Variants in RHOU observed in about 807,000 individuals in gnomAD.
The protein encoded by RHOU is rho-related GTP-binding protein RhoU.
Under a neutral mutation model 12.6 loss-of-function variants are expected in RHOU, and 8 were observed. That is an observed-to-expected ratio of 0.64 (90% CI 0.37 to 1.15). The LOEUF is 1.15. Among genes scored for constraint, RHOU ranks in the 50% most tolerant of loss-of-function variants. The probability of loss-of-function intolerance (pLI) is 0.01; values close to 1 mark genes in which losing one functional copy is unlikely to be tolerated. For synonymous variants in RHOU, 161 were observed against 147.4 expected (o/e 1.09, Z -0.67); for missense variants, 258 against 347.0 (o/e 0.74, Z 2.04).
At chr1:228,700,533 T>C in the RHOU span, among the ~76,000 whole-genome samples, 1 of 152,210 alleles carries the variant, frequency 6.6e-6, no homozygotes, top group Non-Finnish European at 1.5e-5. Context: ...TTTATTTGCT[T>C]GTAAAGAGCT....
At chr1:228,670,900 A>G in the RHOU span, among the ~76,000 whole-genome samples, 4 of 152,182 alleles carry the variant, frequency 2.6e-5, no homozygotes, top group South Asian at 8.3e-4. Flanking sequence ...ACCTTCTGCC[A>G]TGATTGTAAG....
At chr1:228,695,116 T>G in the RHOU span, among the ~76,000 whole-genome samples, 542 of 152,158 alleles carry the variant, frequency 3.6e-3, 3 homozygotes, top group African/African-American at 0.012. Flanking sequence ...ACCACAGGCA[T>G]GCACTACCAC....
chr1:228,699,107 C>T, the RHOU span, among the ~76,000 whole-genome samples: 1 of 148,120 alleles, frequency 6.8e-6, no homozygotes, highest in Non-Finnish European at 1.5e-5. Flanking sequence ...TTTTTTTTAA[C>T]CTGGTGAAAA....
In RHOU at chr1:228,744,393, T is replaced by C. The variant is rs1662783532; in HGVS notation, c.*653T>C. ...GTAGTCAAAAAAGGAAACTTCCTTATTGGGACTTTTCTTTCTTAGTCCAGT... is the reference window on the plus strand; with the variant it reads ...GTAGTCAAAAAAGGAAACTTCCTTACTGGGACTTTTCTTTCTTAGTCCAGT... On this transcript the variant is annotated 3_prime_UTR_variant, in exon 3 of 3. Transcript: ENST00000366691. 6.6e-6 allele frequency: 1 copy of C among 152,268 alleles called. No individual in the cohort carries two copies. The highest frequency in any genetic ancestry group is 1.5e-5 in the Non-Finnish European group (1 of 68,056). 9.4% of individuals were successfully genotyped at this position (152,268 alleles called of 1,614,324 possible).
the RHOU span, among the ~76,000 whole-genome samples, chr1:228,675,985 C>T: frequency 6.6e-6 from 1 of 151,986 alleles, no homozygotes; most frequent in Non-Finnish European, 1.5e-5. Flanking sequence ...AAAAGTTATT[C>T]ATCAGGAATT....
At chr1:228,715,344 A>G in the RHOU span, among the ~76,000 whole-genome samples, 2 of 152,014 alleles carry the variant, frequency 1.3e-5, no homozygotes, top group Admixed American at 1.3e-4. Context: ...AAATTTTATA[A>G]TTTCATTTTA....
At chr1:228,698,017 C>G in the RHOU span, among the ~76,000 whole-genome samples, 1 of 152,278 alleles carries the variant, frequency 6.6e-6, no homozygotes, top group Non-Finnish European at 1.5e-5. Flanking sequence ...TTCAGACATT[C>G]TGTGGGTGGT....
the RHOU span, chr1:228,687,775 C>G: frequency 1.5e-6 from 2 of 1,360,984 alleles, no homozygotes; most frequent in Non-Finnish European, 2.1e-6. Context: ...TCTGGCTCGG[C>G]GGAATACCTC....
chr1:228,683,292 T>C, the RHOU span, among the ~76,000 whole-genome samples: 1 of 152,190 alleles, frequency 6.6e-6, no homozygotes, highest in African/African-American at 2.4e-5. Flanking sequence ...TGTCTTCTGG[T>C]CACAGGACAG....
the RHOU span, chr1:228,652,517 A>T: frequency 6.6e-6 from 1 of 152,260 alleles, no homozygotes; most frequent in Non-Finnish European, 1.5e-5. Flanking sequence ...TCCTATATAC[A>T]CCTCAGTCCA....
chr1:228,723,447 T>C, the RHOU span, among the ~76,000 whole-genome samples: 80 of 152,336 alleles, frequency 5.3e-4, no homozygotes, highest in African/African-American at 1.8e-3. Flanking sequence ...CCTCCTCCCC[T>C]AGTCTTTTAA....
the RHOU span, among the ~76,000 whole-genome samples, chr1:228,649,600 G>A: frequency 6.6e-6 from 1 of 152,198 alleles, no homozygotes; most frequent in Non-Finnish European, 1.5e-5. Flanking sequence ...AATTCACAGT[G>A]ACATTTGATG....
the RHOU span, among the ~76,000 whole-genome samples, chr1:228,721,421 T>C: frequency 6.6e-6 from 1 of 152,230 alleles, no homozygotes; most frequent in African/African-American, 2.4e-5. Context: ...CAAGATATTT[T>C]AATATTTTTT....
the RHOU span, among the ~76,000 whole-genome samples, chr1:228,716,745 C>CATATATAT: frequency 9.6e-6 from 1 of 104,700 alleles, no homozygotes; most frequent in Non-Finnish European, 1.8e-5. Flanking sequence ...CATATACACA[C>CATATATAT]ACATGTGTGT....
chr1:228,720,723 T>A, the RHOU span, among the ~76,000 whole-genome samples: 2 of 152,224 alleles, frequency 1.3e-5, no homozygotes, highest in Non-Finnish European at 2.9e-5. Flanking sequence ...TCTACAGTGC[T>A]TTGTTACTGT....
Position 228,743,701 on chromosome 1 carries a change from C to G in RHOU, c.738C>G (p.Leu246=). 2 of 1,613,802 alleles carry G rather than the reference C, an allele frequency of 1.2e-6. No homozygotes were observed. The highest frequency in any genetic ancestry group is 1.7e-6 in the Non-Finnish European group (2 of 1,179,832). The part of the protein sequence containing the change: ...KSRTPDKMKN[L]SKSWWKKYCC... ...GGACTCCAGATAAAATGAAAAACCT[C>G]TCCAAGTCCTGGTGGAAGAAGTACT... Residue 246 remains leucine, a synonymous_variant, in exon 3 of 3, where the codon CTC becomes CTG. Transcript: ENST00000366691. This position sits in a 1 kb window ranked among gnomAD's most constrained non-coding sequence, Gnocchi z 5.1.
chr1:228,723,378 T>C, the RHOU span, among the ~76,000 whole-genome samples: 3 of 152,202 alleles, frequency 2.0e-5, no homozygotes, highest in Non-Finnish European at 4.4e-5. Context: ...CTGATTTGCA[T>C]AGGGCTCAGG....
the RHOU span, among the ~76,000 whole-genome samples, chr1:228,663,524 A>C: frequency 6.6e-6 from 1 of 152,056 alleles, no homozygotes; most frequent in African/African-American, 2.4e-5. Flanking sequence ...AAAAAAGAAA[A>C]GTTAAAAAAA....
the RHOU span, among the ~76,000 whole-genome samples, chr1:228,667,417 G>A: frequency 6.6e-6 from 1 of 152,202 alleles, no homozygotes; most frequent in East Asian, 1.9e-4. Context: ...ACTTAGACAC[G>A]AGGAGGCAGA....
Sources: allele counts gnomAD v4.1 joint callset (sites outside exome capture counted in the v4.1 genomes callset), GRCh38; gene constraint gnomAD v4.1.1; non-coding constraint Gnocchi (gnomAD v3.1); transcripts MANE v1.5; gene names NCBI Gene and HGNC (gene_info 2026-07-23, HGNC 2026-07-21).